GPR176: variants seen among roughly 807,000 people sequenced by gnomAD.
The protein encoded by GPR176 is G-protein coupled receptor 176.
GPR176 carries 26 observed loss-of-function variants against 35.4 expected under a neutral mutation model. The ratio of observed to expected loss-of-function variants is 0.74; its 90% CI spans 0.54 to 1.02. The LOEUF (loss-of-function observed/expected upper bound fraction) is 1.02, where lower values mean the gene tolerates loss of function less well. Ranked by LOEUF, GPR176 falls within the 50% of genes least tolerant of loss-of-function variation. The probability of loss-of-function intolerance (pLI) is 0.00; values close to 1 mark genes in which losing one functional copy is unlikely to be tolerated. For missense variants in GPR176, 597 were observed against 665.3 expected, an observed-to-expected ratio of 0.90 and a Z score of 1.13; for synonymous variants, 278 against 271.3, an observed-to-expected ratio of 1.02 and a Z score of -0.24.
intron 1 of GPR176, among the ~76,000 whole-genome samples, chr15:39,873,619 TTC>T (rs1230177180): frequency 2.5e-5 from 3 of 121,666 alleles, no homozygotes; most frequent in Non-Finnish European, 5.4e-5. Context: ...AGTTTTTCTT[TTC>T]TTTTTTTTTT....
At chr15:39,836,488 G>A (rs1191509119) in intron 1 of GPR176, among the ~76,000 whole-genome samples, 1 of 152,090 alleles carries the variant, frequency 6.6e-6, no homozygotes, top group African/African-American at 2.4e-5. Flanking sequence ...AGCAGATGTT[G>A]GCACCATGCT....
chr15:39,875,676 T>C (rs2140843085), intron 1 of GPR176, among the ~76,000 whole-genome samples: 1 of 152,276 alleles, frequency 6.6e-6, no homozygotes, highest in East Asian at 1.9e-4. Context: ...ATGTAGGAAA[T>C]GGGGTTTTAG....
At chr15:39,907,854 G>A (rs1277500912) in intron 1 of GPR176, among the ~76,000 whole-genome samples, 2 of 152,068 alleles carry the variant, frequency 1.3e-5, no homozygotes, top group Non-Finnish European at 2.9e-5. Flanking sequence ...GCATGGTGGC[G>A]TATGCCTGTA....
At chr15:39,886,621 G>T (rs1197633962) in intron 1 of GPR176, among the ~76,000 whole-genome samples, 7 of 152,294 alleles carry the variant, frequency 4.6e-5, no homozygotes, top group Non-Finnish European at 1.5e-5. Context: ...GAGTGACAAA[G>T]CTTGAGTCAA....
chr15:39,873,143 G>T (rs2140840577), intron 1 of GPR176, among the ~76,000 whole-genome samples: 1 of 152,232 alleles, frequency 6.6e-6, no homozygotes, highest in South Asian at 2.1e-4. Context: ...TACTTGTATT[G>T]TCTTATCTGA....
chr15:39,917,284 G>A (rs889395133), intron 1 of GPR176, among the ~76,000 whole-genome samples: 56 of 148,118 alleles, frequency 3.8e-4, no homozygotes, highest in Admixed American at 3.1e-3. Flanking sequence ...GCGAAACTCC[G>A]TCTCAAAAAA....
chr15:39,887,383 T>C (rs1194000221), intron 1 of GPR176, among the ~76,000 whole-genome samples: 1 of 152,114 alleles, frequency 6.6e-6, no homozygotes, highest in Non-Finnish European at 1.5e-5. Context: ...GAACAATGCA[T>C]ATTTCCAGAT....
chr15:39,896,171 C>G (rs944541039), intron 1 of GPR176, among the ~76,000 whole-genome samples: 25 of 152,164 alleles, frequency 1.6e-4, no homozygotes, highest in African/African-American at 6.0e-4. Context: ...CCTCCCACCT[C>G]AGCCTCTTGA....
chr15:39,912,656 C>A (rs534959821), intron 1 of GPR176, among the ~76,000 whole-genome samples: 3 of 151,880 alleles, frequency 2.0e-5, no homozygotes, highest in African/African-American at 7.2e-5. Context: ...AAAAAACAAC[C>A]TTTCACAACA....
In GPR176 at chr15:39,845,017, C is replaced by T. The variant is rs995042499; in HGVS notation, c.173-37759G>A. Among the ~76,000 whole-genome samples the T allele has an allele frequency of 5.3e-5, 8 of 152,150 alleles. No individual in the cohort carries two copies. In the East Asian group the frequency reaches 5.8e-4, roughly 11 times the overall value. On this transcript the variant is annotated intron_variant, in intron 1 of 2. Coordinates refer to ENST00000561100, the MANE Select transcript of GPR176 (RefSeq NM_007223.3). ...CAGCTCCTCAGAGCATAGGTGTTAC[C>T]GGCACCAGGGAGGCAACACCATGGA...
chr15:39,856,326 A>G (rs1050489278), intron 1 of GPR176, among the ~76,000 whole-genome samples: 2 of 152,206 alleles, frequency 1.3e-5, no homozygotes, highest in African/African-American at 4.8e-5. Context: ...TATCCCTCAT[A>G]CAAATATAAT....
chr15:39,877,931 C>T (rs569533193), intron 1 of GPR176, among the ~76,000 whole-genome samples: 2 of 152,028 alleles, frequency 1.3e-5, no homozygotes, highest in Non-Finnish European at 2.9e-5. Context: ...ATGACACAGC[C>T]GCATTTTCCT....
intron 1 of GPR176, among the ~76,000 whole-genome samples, chr15:39,844,670 A>G (rs1236099906): frequency 6.6e-6 from 1 of 152,014 alleles, no homozygotes; most frequent in African/African-American, 2.4e-5. Flanking sequence ...AAGTGCCCAT[A>G]CTTTTCCTGG....
intron 1 of GPR176, among the ~76,000 whole-genome samples, chr15:39,842,735 G>C (rs572158901): frequency 6.6e-6 from 1 of 152,026 alleles, no homozygotes; most frequent in South Asian, 2.1e-4. Context: ...CGTGCCTCTA[G>C]AACTATGAGA....
intron 1 of GPR176, among the ~76,000 whole-genome samples, chr15:39,833,804 C>G (rs544872639): frequency 6.6e-6 from 1 of 152,100 alleles, no homozygotes; most frequent in Admixed American, 6.6e-5. Context: ...GCTGGGATTG[C>G]GGTCTCCCAA....
At chr15:39,909,267 G>T (rs1383784309) in intron 1 of GPR176, among the ~76,000 whole-genome samples, 1 of 152,122 alleles carries the variant, frequency 6.6e-6, no homozygotes, top group Non-Finnish European at 1.5e-5. Flanking sequence ...TGGTTCTTCT[G>T]GACCAGCTGT....
At chr15:39,903,929 TAGAC>T (rs1440274926) in intron 1 of GPR176, among the ~76,000 whole-genome samples, 1 of 152,180 alleles carries the variant, frequency 6.6e-6, no homozygotes. Flanking sequence ...GGCTACTCCA[TAGAC>T]AGAGCAGCCC....
At position 39,801,399 on chromosome 15, in the gene GPR176, T is replaced by G. The variant is rs1178846847; in HGVS notation, c.1281A>C (p.Thr427=). The part of the protein sequence containing the change: ...QFAPSAPPLS[T]VDSVSQVAPA... ...GTGCCACCTGGGATACAGAGTCCAC[T>G]GTGCTCAGGGGTGGGGCAGAGGGCG... The change falls in exon 3 of 3, where the codon ACA becomes ACC. Residue 427 remains threonine (T), a synonymous_variant. Coordinates refer to ENST00000561100, the MANE Select transcript of GPR176 (RefSeq NM_007223.3). 5.6e-6 allele frequency: 9 copies of G among 1,614,222 alleles called. No individual in the cohort carries two copies. Among genetic ancestry groups the G allele is most frequent in the Non-Finnish European group, 7.6e-6 (9 of 1,180,024 alleles).
chr15:39,829,256 T>C (rs1900901041), intron 1 of GPR176: 2 of 1,459,014 alleles, frequency 1.4e-6, no homozygotes, highest in Admixed American at 2.4e-5. Context: ...GAAAAGCCAC[T>C]TGGACTCGGG....
Sources: allele counts gnomAD v4.1 joint callset (sites outside exome capture counted in the v4.1 genomes callset), GRCh38; gene constraint gnomAD v4.1.1; transcripts MANE v1.5; gene names NCBI Gene and HGNC (gene_info 2026-07-23, HGNC 2026-07-21).